Variants in RAD54B observed in about 807,000 individuals in gnomAD.
RAD54B encodes the protein DNA repair and recombination protein RAD54B.
In RAD54B, 78 loss-of-function variants were observed where a neutral mutation model predicts 95.8. That is an observed-to-expected ratio of 0.81 (90% confidence interval 0.68 to 0.98). RAD54B has a LOEUF of 0.98. Ranked by LOEUF, RAD54B falls within the 50% of genes least tolerant of loss-of-function variation. The probability of loss-of-function intolerance (pLI) is 0.00; values close to 1 mark genes in which losing one functional copy is unlikely to be tolerated. For synonymous variants in RAD54B, 328 were observed against 354.9 expected (o/e 0.92, Z 0.85); for missense variants, 957 against 1,056.6 (o/e 0.91, Z 1.31).
At chr8:94,442,300 A>G (rs192477617) in intron 3 of RAD54B, among the ~76,000 whole-genome samples, 175 of 152,272 alleles carry the variant, frequency 1.1e-3, no homozygotes, top group Admixed American at 3.1e-3. Flanking sequence ...AAAGCTGGGC[A>G]CGGTGGCTCA....
At chr8:94,384,861 G>A (rs1426105080) in intron 11 of RAD54B, among the ~76,000 whole-genome samples, 1 of 152,168 alleles carries the variant, frequency 6.6e-6, no homozygotes, top group African/African-American at 2.4e-5. Context: ...CCAACACTTT[G>A]GGAGACTGAG....
intron 14 of RAD54B, among the ~76,000 whole-genome samples, chr8:94,374,315 C>T (rs761983870): frequency 1.7e-4 from 26 of 151,680 alleles, no homozygotes; most frequent in Non-Finnish European, 3.2e-4. Flanking sequence ...AGATTGCTTC[C>T]AAAATTAGAA....
chr8:94,466,611 T>A (rs1813030361), intron 2 of RAD54B, among the ~76,000 whole-genome samples: 1 of 152,174 alleles, frequency 6.6e-6, no homozygotes, highest in Non-Finnish European at 1.5e-5. Context: ...TTTCACCATG[T>A]TAACCAGGCT....
chr8:94,402,841 TATG>T (rs1811294812), intron 6 of RAD54B, among the ~76,000 whole-genome samples: 1 of 152,110 alleles, frequency 6.6e-6, no homozygotes. Context: ...CTAGATAAAA[TATG>T]ATATTTTTAT....
chr8:94,430,889 C>G (rs1471446093), intron 3 of RAD54B: 2 of 985,314 alleles, frequency 2.0e-6, no homozygotes, highest in African/African-American at 1.7e-5. Flanking sequence ...TTGACTCTCT[C>G]TACATTCACT....
chr8:94,384,479 G>C (rs1173945201), intron 11 of RAD54B, among the ~76,000 whole-genome samples: 1 of 152,102 alleles, frequency 6.6e-6, no homozygotes, highest in Non-Finnish European at 1.5e-5. Context: ...GGTAGTCCAG[G>C]TGTTAAGGGA....
chr8:94,372,015 C>T lies in RAD54B; in HGVS notation c.*155G>A. On this transcript the variant is annotated 3_prime_UTR_variant, in exon 15 of 15. Transcript: ENST00000336148. ...ATTTAAACACTTAATATTTACAAAA[C>T]ATTAAACCACTCAATTTTGACTATT... 1.6e-6 allele frequency: 2 copies of T among 1,280,222 alleles called. No individual in the cohort carries two copies. The highest frequency in any genetic ancestry group is 2.0e-6 in the Non-Finnish European group (2 of 979,008). The allele number at this position is 1,280,222 out of a possible 1,614,324, so 79.3% of individuals were successfully genotyped here.
chr8:94,450,388 T>C (rs539319772), intron 3 of RAD54B, among the ~76,000 whole-genome samples: 185 of 152,300 alleles, frequency 1.2e-3, no homozygotes, highest in Non-Finnish European at 2.3e-3. Context: ...AAGGTTGACA[T>C]GATAGGTACT....
chr8:94,458,979 T>C (rs1812839481), intron 2 of RAD54B, among the ~76,000 whole-genome samples: 2 of 152,212 alleles, frequency 1.3e-5, no homozygotes, highest in African/African-American at 4.8e-5. Context: ...AAATTATGCT[T>C]ATAATTATAG....
intron 3 of RAD54B, among the ~76,000 whole-genome samples, chr8:94,425,061 C>CAAAAAAAA (rs71273335): frequency 1.1e-3 from 91 of 82,326 alleles, no homozygotes; most frequent in African/African-American, 3.2e-3. Context: ...GACCCCATCT[C>CAAAAAAAA]AAAAAAAAAA....
intron 1 of RAD54B, among the ~76,000 whole-genome samples, chr8:94,469,855 C>G (rs1813124297): frequency 6.6e-6 from 1 of 152,138 alleles, no homozygotes; most frequent in Non-Finnish European, 1.5e-5. Context: ...CATTTGAAAA[C>G]AGTGGAATTT....
At position 94,399,497 on chromosome 8, in the gene RAD54B, T is replaced by G. The variant is rs768725152; in HGVS notation, c.1295A>C (p.Glu432Ala). 8.7e-5 allele frequency: 140 copies of G among 1,613,548 alleles called. No homozygotes were observed. The highest frequency in any genetic ancestry group is 1.2e-4 in the Admixed American group (7 of 59,942). Reference protein sequence around the residue: ...NIKFDLLICDEGHRLKNSAIK... With the variant: ...NIKFDLLICDAGHRLKNSAIK... ...GGCACTGTTCTTCAAACGATGCCCC[T>G]CGTCACAGATTAGAAGATCAAATTT... Residue 432 changes from glutamate (E) to alanine (A), a missense_variant, in exon 8 of 15, where the codon GAG (glutamate) becomes GCG (alanine). Physicochemically the swap from Glu to Ala is moderately radical, Grantham distance 107. Coordinates refer to ENST00000336148, the MANE Select transcript of RAD54B (RefSeq NM_012415.3).
At chr8:94,400,714 T>A (rs191266841) in intron 6 of RAD54B, among the ~76,000 whole-genome samples, 115 of 152,182 alleles carry the variant, frequency 7.6e-4, no homozygotes, top group Non-Finnish European at 1.4e-3. Context: ...CATGTACATA[T>A]TTAGAGGCTA....
At chr8:94,436,402 A>G in intron 3 of RAD54B, 1 of 1,371,214 alleles carries the variant, frequency 7.3e-7, no homozygotes, top group South Asian at 1.6e-5. Flanking sequence ...CGTTGTGGGG[A>G]TGCTTACTAT....
At chr8:94,399,969 T>C (rs1008709561) in intron 7 of RAD54B, among the ~76,000 whole-genome samples, 1 of 151,108 alleles carries the variant, frequency 6.6e-6, no homozygotes, top group African/African-American at 2.4e-5. Flanking sequence ...GGCACTAATC[T>C]CATCACGTGG....
At chr8:94,445,148 T>C (rs1435295475) in intron 3 of RAD54B, among the ~76,000 whole-genome samples, 1 of 152,084 alleles carries the variant, frequency 6.6e-6, no homozygotes. Flanking sequence ...TAAGGGCCCA[T>C]TTCCTGGTTC....
Position 94,417,377 on chromosome 8 carries a change from A to T in RAD54B, c.305-6062T>A, listed in dbSNP as rs537411921. 4.6e-5 allele frequency among the ~76,000 whole-genome samples: 7 copies of T among 152,238 alleles called. No homozygotes were observed. The South Asian group carries it at 1.4e-3, about 32-fold the overall frequency. On this transcript the variant is annotated intron_variant, in intron 3 of 14. Coordinates refer to ENST00000336148, the MANE Select transcript of RAD54B (RefSeq NM_012415.3). Reference sequence around the variant, plus strand: ...TAAAAAACAATGAATTGTACACTTTACATGACTGAATCATAGGGTATGTTA... The same window carrying T: ...TAAAAAACAATGAATTGTACACTTTTCATGACTGAATCATAGGGTATGTTA...
intron 2 of RAD54B, among the ~76,000 whole-genome samples, chr8:94,464,067 C>A (rs1452716133): frequency 6.6e-6 from 1 of 152,036 alleles, no homozygotes; most frequent in Non-Finnish European, 1.5e-5. Flanking sequence ...TATATTAAAA[C>A]AACAGATTAT....
At chr8:94,393,631 AAAAT>A in intron 9 of RAD54B, 108 bp downstream of exon 9, 3 of 1,050,198 alleles carry the variant, frequency 2.9e-6, no homozygotes, top group South Asian at 3.3e-5. Flanking sequence ...ATTGTGGAGA[AAAAT>A]AAAGAGTTCA....
Sources: gnomAD v4.1 joint callset for allele counts (sites outside exome capture counted in the v4.1 genomes callset) on GRCh38, gnomAD v4.1.1 for gene constraint, MANE v1.5 for transcripts, NCBI Gene and HGNC (gene_info 2026-07-23, HGNC 2026-07-21) for gene names.